FER1L6: variants seen among roughly 807,000 people sequenced by gnomAD.
FER1L6 encodes fer-1-like protein 6.
Under a neutral mutation model 219.2 loss-of-function variants are expected in FER1L6, and 177 were observed. That is an observed-to-expected ratio of 0.81 (90% CI 0.71 to 0.91). The LOEUF (loss-of-function observed/expected upper bound fraction) is 0.91, where lower values mean the gene tolerates loss of function less well. Ranked by LOEUF, FER1L6 falls within the 40% of genes least tolerant of loss-of-function variation. The pLI is 0.00. For missense variants in FER1L6, 2,153 were observed against 2,259.9 expected (o/e 0.95, Z 0.96); for synonymous variants, 768 against 824.3 (o/e 0.93, Z 1.17).
intron 33 of FER1L6, among the ~76,000 whole-genome samples, chr8:124,086,599 T>C (rs977001912): frequency 6.6e-6 from 1 of 152,230 alleles, no homozygotes; most frequent in Non-Finnish European, 1.5e-5. Flanking sequence ...TATGTTCATC[T>C]TTCCACTTAA....
intron 1 of FER1L6, among the ~76,000 whole-genome samples, chr8:123,902,681 T>G (rs1453473887): frequency 6.6e-6 from 1 of 152,326 alleles, no homozygotes; most frequent in South Asian, 2.1e-4. Context: ...TGAGTCCTTA[T>G]GTGTTAGGTG....
intron 16 of FER1L6, among the ~76,000 whole-genome samples, chr8:124,019,603 T>A (rs953466121): frequency 6.6e-6 from 1 of 152,212 alleles, no homozygotes; most frequent in Non-Finnish European, 1.5e-5. Context: ...AAGAACGTAG[T>A]GCTTGTCCTT....
chr8:124,033,227 C>T (rs1819048472), intron 18 of FER1L6, among the ~76,000 whole-genome samples: 1 of 152,132 alleles, frequency 6.6e-6, no homozygotes, highest in African/African-American at 2.4e-5. Flanking sequence ...GCACTGGGGA[C>T]ACGGCAGTGA....
chr8:123,868,750 A>T (rs1329458210), intron 1 of FER1L6, among the ~76,000 whole-genome samples: 1 of 152,210 alleles, frequency 6.6e-6, no homozygotes, highest in South Asian at 2.1e-4. Flanking sequence ...TGTCTGCTTA[A>T]CTTCAGGACA....
Position 123,977,610 on chromosome 8 carries a change from G to A in FER1L6, c.1063+1G>A, listed in dbSNP as rs377670404. ...TCCAACGAACAGGATGGAGACAAAG[G>A]TAAAGTCCCATCCATCTGACTTGAA... On this transcript the variant is annotated splice_donor_variant, in intron 10 of 40. Transcript: ENST00000522917. LOFTEE classifies it high-confidence loss of function. 100 of 1,613,330 alleles carry A rather than the reference G, an allele frequency of 6.2e-5. No individual in the cohort carries two copies. In the Middle Eastern group the frequency reaches 8.2e-4, roughly 13 times the overall value.
intron 1 of FER1L6, among the ~76,000 whole-genome samples, chr8:123,934,896 C>T (rs1316491747): frequency 2.0e-5 from 3 of 152,160 alleles, no homozygotes; most frequent in East Asian, 1.9e-4. Context: ...CTCTCTCTTT[C>T]CTGCTCCGCC....
intron 1 of FER1L6, among the ~76,000 whole-genome samples, chr8:123,900,379 T>C (rs1233830268): frequency 6.6e-6 from 1 of 152,170 alleles, no homozygotes; most frequent in Non-Finnish European, 1.5e-5. Context: ...TGATCAGTTC[T>C]AGGAGGTTTC....
chr8:124,048,069 C>T (rs1406760321), intron 21 of FER1L6, among the ~76,000 whole-genome samples: 1 of 152,220 alleles, frequency 6.6e-6, no homozygotes, highest in East Asian at 1.9e-4. Context: ...GCCAGCTGCC[C>T]TAACTCCACC....
chr8:124,011,434 C>T (rs1042198440), intron 14 of FER1L6, among the ~76,000 whole-genome samples: 3 of 152,184 alleles, frequency 2.0e-5, no homozygotes, highest in African/African-American at 4.8e-5. Context: ...CAGCTCACTG[C>T]AGCCTTGACC....
At chr8:123,936,162 A>T (rs1476371147) in intron 1 of FER1L6, among the ~76,000 whole-genome samples, 1 of 152,160 alleles carries the variant, frequency 6.6e-6, no homozygotes, top group Non-Finnish European at 1.5e-5. Context: ...TTACTGTAGG[A>T]GGAATGCCAA....
intron 1 of FER1L6, among the ~76,000 whole-genome samples, chr8:123,874,846 T>A (rs1256197230): frequency 1.3e-5 from 2 of 151,952 alleles, no homozygotes; most frequent in African/African-American, 4.8e-5. Flanking sequence ...TGGAAGATTA[T>A]TTTTTTTGAT....
chr8:123,956,170 G>A (rs922672358), intron 2 of FER1L6, 96 bp downstream of exon 2: 131 of 1,104,062 alleles, frequency 1.2e-4, no homozygotes, highest in Middle Eastern at 2.9e-4. Context: ...CAATGGGAGC[G>A]AGGGGGAGTG....
At chr8:123,876,957 C>T in intron 1 of FER1L6, among the ~76,000 whole-genome samples, 1 of 152,228 alleles carries the variant, frequency 6.6e-6, no homozygotes, top group East Asian at 1.9e-4. Flanking sequence ...ACCTGCTAGG[C>T]CCCTAGGCTG....
intron 7 of FER1L6, among the ~76,000 whole-genome samples, chr8:123,974,778 G>A (rs1323085663): frequency 6.6e-6 from 1 of 151,842 alleles, no homozygotes; most frequent in Non-Finnish European, 1.5e-5. Flanking sequence ...GACTCACAGT[G>A]AGGCCAAACA....
chr8:124,017,318 G>C (rs976939311), intron 15 of FER1L6, among the ~76,000 whole-genome samples: 2 of 152,170 alleles, frequency 1.3e-5, no homozygotes, highest in African/African-American at 4.8e-5. Flanking sequence ...AAATTTGTAA[G>C]ATGAAGGAAA....
intron 1 of FER1L6, among the ~76,000 whole-genome samples, chr8:123,920,622 T>C (rs772338501): frequency 1.3e-5 from 2 of 152,182 alleles, no homozygotes; most frequent in Non-Finnish European, 2.9e-5. Flanking sequence ...TATAGGAGGA[T>C]ACACTTAGTG....
At chr8:123,881,134 C>T (rs1817101756) in intron 1 of FER1L6, among the ~76,000 whole-genome samples, 1 of 152,048 alleles carries the variant, frequency 6.6e-6, no homozygotes, top group Admixed American at 6.5e-5. Flanking sequence ...GAGTTCAATG[C>T]TAAGAGATAT....
At chr8:124,051,370 G>A (rs1820019392) in intron 22 of FER1L6, among the ~76,000 whole-genome samples, 1 of 152,198 alleles carries the variant, frequency 6.6e-6, no homozygotes, top group South Asian at 2.1e-4. Flanking sequence ...GCCTCAGTGA[G>A]TAGGAGGTCA....
At position 123,873,503 on chromosome 8, in the gene FER1L6, C is replaced by T. The variant is rs912454461; in HGVS notation, c.-8+21318C>T. Among the ~76,000 whole-genome samples the T allele has an allele frequency of 2.0e-5, 3 of 152,266 alleles. No individual in the cohort carries two copies. The South Asian group carries it at 6.2e-4, about 32-fold the overall frequency. ...CATCTCGTATTATTGAACTTTGAAG[C>T]GGAAAAGTTTTACTTTCTTCTCACT... On this transcript the variant is annotated intron_variant, in intron 1 of 40. Transcript: ENST00000522917.
Sources: allele counts gnomAD v4.1 joint callset (sites outside exome capture counted in the v4.1 genomes callset), GRCh38; gene constraint gnomAD v4.1.1; transcripts MANE v1.5; gene names NCBI Gene and HGNC (gene_info 2026-07-23, HGNC 2026-07-21).